The following MYBPC1 variants were observed in gnomAD, a reference collection of about 807,000 sequenced individuals.
MYBPC1 encodes the protein myosin binding protein C1.
Under a neutral mutation model 147.1 loss-of-function variants are expected in MYBPC1, and 52 were observed. The observed-to-expected ratio is 0.35, with a 90% CI of 0.28 to 0.45. The LOEUF (loss-of-function observed/expected upper bound fraction) is 0.45, where lower values mean the gene tolerates loss of function less well. Ranked by LOEUF, MYBPC1 falls within the 20% of genes least tolerant of loss-of-function variation. The probability of loss-of-function intolerance (pLI) is 1.00; values close to 1 mark genes in which losing one functional copy is unlikely to be tolerated. For synonymous variants in MYBPC1, 477 were observed against 475.9 expected (o/e 1.00, Z -0.03); for missense variants, 1,228 against 1,440.3 (o/e 0.85, Z 2.39).
At chr12:101,598,979 A>C (rs2135528389) in intron 1 of MYBPC1, among the ~76,000 whole-genome samples, 1 of 152,326 alleles carries the variant, frequency 6.6e-6, no homozygotes, top group African/African-American at 2.4e-5. Flanking sequence ...CTGATTTATC[A>C]GACCTTATTA....
chr12:101,653,155 C>G lies in MYBPC1; in HGVS notation c.1674C>G (p.Asn558Lys), dbSNP rs777272920. The G allele has an allele frequency of 1.8e-5, 29 of 1,614,092 alleles. No homozygotes were observed. The highest frequency in any genetic ancestry group is 2.5e-5 in the Non-Finnish European group (29 of 1,179,984). Residue 558 changes from asparagine to lysine, a missense_variant, in exon 18 of 32, where the codon AAC (asparagine) becomes AAG (lysine). Asn to Lys is a moderately conservative substitution (Grantham distance 94). Transcript: ENST00000361466. ...KIILDGLDAD[N>K]TVTVIAGNKL... ...TCCTGGATGGTCTTGATGCTGACAA[C>G]ACAGTGACAGTGATTGCAGGAAACA...
rs745488695 is a variant in MYBPC1 at position 101,673,501 on chromosome 12, C to G, written c.2688C>G (p.Asn896Lys). ...ATAAGAATCAAATAAACATTCGCAA[C>G]TCTGAGACTGATACAATCATATTTA... is the stretch of plus-strand genomic sequence containing the variant. ...EIDKNQINIR[N>K]SETDTIIFIR... The change falls in exon 25 of 32, where the codon AAC (asparagine) becomes AAG (lysine). Residue 896 changes from asparagine (N) to lysine (K), a missense_variant. Physicochemically the swap from Asn to Lys is moderately conservative, Grantham distance 94. Transcript: ENST00000361466. The G allele has an allele frequency of 2.5e-6, 4 of 1,614,040 alleles. No individual in the cohort carries two copies. Among genetic ancestry groups the G allele is most frequent in the Non-Finnish European group, 3.4e-6 (4 of 1,179,980 alleles).
chr12:101,654,627 G>A (rs1223350184), intron 18 of MYBPC1, among the ~76,000 whole-genome samples: 1 of 152,136 alleles, frequency 6.6e-6, no homozygotes, highest in African/African-American at 2.4e-5. Flanking sequence ...GCTCTGCAGA[G>A]GAACACGCTC....
chr12:101,663,641 T>C, intron 22 of MYBPC1, 81 bp downstream of exon 22: 6 of 1,471,722 alleles, frequency 4.1e-6, no homozygotes, highest in Non-Finnish European at 4.7e-6. Context: ...TCTCTCTTTC[T>C]TGAGAACGCA....
At chr12:101,608,908 T>A (rs1163358240) in intron 1 of MYBPC1, among the ~76,000 whole-genome samples, 1 of 152,122 alleles carries the variant, frequency 6.6e-6, no homozygotes, top group Non-Finnish European at 1.5e-5. Context: ...AAAGACATAG[T>A]GTTCCTTGTG....
chr12:101,632,205 T>G, intron 8 of MYBPC1, 67 bp downstream of exon 8: 6 of 1,055,954 alleles, frequency 5.7e-6, no homozygotes, highest in Non-Finnish European at 7.4e-6. Flanking sequence ...GGAGAAGAAG[T>G]AGTTCATTTA....
intron 9 of MYBPC1, among the ~76,000 whole-genome samples, 169 bp downstream of exon 9, chr12:101,634,774 G>A (rs1890662002): frequency 6.6e-6 from 1 of 152,120 alleles, no homozygotes; most frequent in South Asian, 2.1e-4. Flanking sequence ...ATGGGTTTAA[G>A]GCCCAGTCAA....
Position 101,663,455 on chromosome 12 carries a change from G to C in MYBPC1, c.2251G>C (p.Val751Leu), listed in dbSNP as rs777687626. Residue 751 changes from valine (V) to leucine (L), a missense_variant, in exon 22 of 32, where the codon GTG becomes CTG. Physicochemically the swap from Val to Leu is conservative, Grantham distance 32. Transcript: ENST00000361466. ...AACAAGCCCTCCTACTCTTCTGACT[G>C]TGGACTCTGTCACTGACACGACTGT... The part of the protein sequence containing the change: ...AVTSPPTLLT[V>L]DSVTDTTVTM... 1.4e-5 allele frequency: 22 copies of C among 1,613,668 alleles called. No individual in the cohort carries two copies. The highest frequency in any genetic ancestry group is 1.9e-5 in the Non-Finnish European group (22 of 1,179,790).
At chr12:101,663,584 T>A (rs749197625) in intron 22 of MYBPC1, 24 bp downstream of exon 22, 1 of 1,612,188 alleles carries the variant, frequency 6.2e-7, no homozygotes, top group Admixed American at 1.7e-5. Context: ...GTAGATAAAA[T>A]GAATACTGTC....
intron 1 of MYBPC1, among the ~76,000 whole-genome samples, chr12:101,598,252 T>TCAGGTGGTC (rs1371327196): frequency 6.6e-6 from 1 of 152,156 alleles, no homozygotes; most frequent in East Asian, 1.9e-4. Context: ...ACCGCTGACC[T>TCAGGTGGTC]CAGGTGGTCC....
downstream of MYBPC1, among the ~76,000 whole-genome samples, chr12:101,687,230 C>T (rs533292530): frequency 3.3e-5 from 5 of 152,076 alleles, no homozygotes; most frequent in South Asian, 2.1e-4. Context: ...CCGCTCCCCC[C>T]ACCCCACAAC....
chr12:101,655,176 G>C (rs1895325814), intron 18 of MYBPC1, among the ~76,000 whole-genome samples: 2 of 152,016 alleles, frequency 1.3e-5, no homozygotes, highest in Non-Finnish European at 2.9e-5. Flanking sequence ...TGTTCAAAAA[G>C]TTAGGTGGAG....
At chr12:101,637,237 T>C (rs1163129611) in intron 10 of MYBPC1, 5 of 154,776 alleles carry the variant, frequency 3.2e-5, no homozygotes, top group African/African-American at 1.2e-4. Context: ...ATAAGATGCA[T>C]TGTCATTTCA....
At chr12:101,653,380 T>G (rs969902654) in intron 18 of MYBPC1, 132 bp downstream of exon 18, 4 of 1,239,336 alleles carry the variant, frequency 3.2e-6, no homozygotes, top group Admixed American at 4.1e-5. Context: ...AGTAAAGATG[T>G]AATTCCTTTG....
At position 101,671,333 on chromosome 12, in the gene MYBPC1, ACACACT is replaced by A. The variant is rs1236133065; in HGVS notation, c.2613+930_2613+935del. On this transcript the variant is annotated intron_variant, in intron 24 of 31. Coordinates refer to ENST00000361466, the MANE Select transcript of MYBPC1 (RefSeq NM_002465.4). The stretch of plus-strand genomic sequence containing the variant: ...TATACACACACACACACACACACAC[ACACACT>A]CACACACACACACTCACACATGCAC... Among the ~76,000 whole-genome samples, 244 of 133,146 alleles carry A rather than the reference ACACACT, an allele frequency of 1.8e-3. 1 individual carries two copies. The highest frequency in any genetic ancestry group is 4.4e-3 in the African/African-American group (142 of 32,430). The allele number at this position is 133,146 out of a possible 152,430, so 87.3% of individuals were successfully genotyped here. A position where few individuals can be genotyped will look rare whatever the true frequency, so the allele number is the denominator to read the frequency against.
intron 1 of MYBPC1, among the ~76,000 whole-genome samples, chr12:101,604,420 G>A (rs1881344837): frequency 6.6e-6 from 1 of 152,196 alleles, no homozygotes; most frequent in South Asian, 2.1e-4. Context: ...GTACAGTACA[G>A]TCTTTGGCAA....
chr12:101,693,737 CTAAA>C, the MYBPC1 span, among the ~76,000 whole-genome samples: 1 of 101,818 alleles, frequency 9.8e-6, no homozygotes, highest in African/African-American at 2.9e-5. Flanking sequence ...GAATCTGTCT[CTAAA>C]TAAATAAATA....
At chr12:101,671,034 T>C (rs1480274348) in intron 24 of MYBPC1, among the ~76,000 whole-genome samples, 1 of 151,518 alleles carries the variant, frequency 6.6e-6, no homozygotes, top group East Asian at 1.9e-4. Flanking sequence ...CAACTCCCTA[T>C]TCATATGACA....
In MYBPC1 at chr12:101,680,352, A is replaced by G; in HGVS notation, c.3256A>G (p.Thr1086Ala). 3 of 1,613,954 alleles carry G rather than the reference A, an allele frequency of 1.9e-6. No individual in the cohort carries two copies. Among genetic ancestry groups the G allele is most frequent in the Non-Finnish European group, 2.5e-6 (3 of 1,179,922 alleles). ...SVRGNPKPKI[T>A]WMKNKVAIVD... ...TCAATTTGAACTTCAGCCTAAAATA[A>G]CCTGGATGAAAAACAAAGTTGCTAT... The change falls in exon 29 of 32, where the codon ACC (threonine) becomes GCC (alanine). Residue 1086 changes from threonine (T) to alanine (A), a missense_variant. Transcript: ENST00000361466.
Sources: gnomAD v4.1 joint callset for allele counts (sites outside exome capture counted in the v4.1 genomes callset) on GRCh38, gnomAD v4.1.1 for gene constraint, MANE v1.5 for transcripts, NCBI Gene and HGNC (gene_info 2026-07-23, HGNC 2026-07-21) for gene names.